SMG6: variants seen among roughly 807,000 people sequenced by gnomAD.
SMG6 encodes the protein SMG6 nonsense mediated mRNA decay factor.
SMG6 carries 66 observed loss-of-function variants against 142.2 expected under a neutral mutation model. The observed-to-expected ratio is 0.46, with a 90% CI of 0.38 to 0.57. The LOEUF (loss-of-function observed/expected upper bound fraction) is 0.57, where lower values mean the gene tolerates loss of function less well. SMG6 is among the 20% of genes least tolerant of loss of function. The pLI is 0.00. For synonymous variants in SMG6, 779 were observed against 702.4 expected (o/e 1.11, Z -1.72); for missense variants, 1,793 against 1,832.0 (o/e 0.98, Z 0.39).
At chr17:2,156,805 CGCCAT>C (rs1252228137) in intron 13 of SMG6, among the ~76,000 whole-genome samples, 1 of 152,186 alleles carries the variant, frequency 6.6e-6, no homozygotes, top group East Asian at 1.9e-4. Flanking sequence ...AAGCATGCAA[CGCCAT>C]GCCTGGCTAA....
intron 13 of SMG6, among the ~76,000 whole-genome samples, chr17:2,144,678 C>A (rs1033126984): frequency 6.6e-6 from 1 of 152,062 alleles, no homozygotes; most frequent in African/African-American, 2.4e-5. Context: ...CTGCGGGTTA[C>A]CCTGGGACAC....
intron 13 of SMG6, chr17:2,127,299 T>C (rs2069929166): frequency 2.5e-6 from 1 of 407,524 alleles, no homozygotes; most frequent in Non-Finnish European, 4.7e-6. Flanking sequence ...TGATGAAGAG[T>C]TCTGGAAATG....
intron 10 of SMG6, among the ~76,000 whole-genome samples, chr17:2,208,089 A>C (rs2072742654): frequency 6.6e-6 from 1 of 152,106 alleles, no homozygotes. Context: ...TGTTCGTGCC[A>C]CCGCACTCCA....
In SMG6 at chr17:2,236,644, A is replaced by G. The variant is rs1291155623; in HGVS notation, c.2724-7T>C. On this transcript the variant is annotated splice_region_variant and splice_polypyrimidine_tract_variant and intron_variant, in intron 9 of 18. Coordinates refer to ENST00000263073, the MANE Select transcript of SMG6 (RefSeq NM_017575.5). ...TGCAGGGAATGTCTCCATCCTGCAGATTCAGAAAACCCATCAATGAGGCAC... is the reference window on the plus strand; with the variant it reads ...TGCAGGGAATGTCTCCATCCTGCAGGTTCAGAAAACCCATCAATGAGGCAC... 1.2e-6 allele frequency: 2 copies of G among 1,608,506 alleles called. No individual in the cohort carries two copies. The highest frequency in any genetic ancestry group is 1.1e-5 in the South Asian group (1 of 90,372).
At chr17:2,174,308 C>A (rs1165068224) in intron 12 of SMG6, among the ~76,000 whole-genome samples, 4 of 152,142 alleles carry the variant, frequency 2.6e-5, no homozygotes, top group South Asian at 4.1e-4. Flanking sequence ...AGGGAGGGGC[C>A]TCAGATCTAA....
chr17:2,108,150 T>C (rs2069204675), intron 13 of SMG6, among the ~76,000 whole-genome samples: 1 of 151,952 alleles, frequency 6.6e-6, no homozygotes, highest in Admixed American at 6.6e-5. Context: ...AAATGAAGGA[T>C]TACAGAGAAT....
chr17:2,264,532 A>G (rs1192529956), intron 8 of SMG6, among the ~76,000 whole-genome samples: 1 of 152,218 alleles, frequency 6.6e-6, no homozygotes. Context: ...CACCAGCAAC[A>G]TCAAAACAAA....
intron 8 of SMG6, among the ~76,000 whole-genome samples, chr17:2,255,204 A>T (rs1414120229): frequency 6.6e-6 from 1 of 151,586 alleles, no homozygotes; most frequent in Non-Finnish European, 1.5e-5. Flanking sequence ...GGAGATCGAG[A>T]CCATCCTGGC....
In SMG6 at chr17:2,144,751, A is replaced by G. The variant is rs986908012; in HGVS notation, c.3357+27907T>C. 5.3e-4 allele frequency among the ~76,000 whole-genome samples: 81 copies of G among 152,106 alleles called. 1 individual carries two copies. The highest frequency in any genetic ancestry group is 1.9e-3 in the African/African-American group (80 of 41,420). ...CTGCTCAAGGTTTTTCAGAGTACAT[A>G]GGTAGTATGAATTCAGACTCAAAAC... On this transcript the variant is annotated intron_variant, in intron 13 of 18. Transcript: ENST00000263073.
intron 10 of SMG6, among the ~76,000 whole-genome samples, chr17:2,192,328 G>C (rs2072189688): frequency 6.6e-6 from 1 of 152,262 alleles, no homozygotes; most frequent in African/African-American, 2.4e-5. Context: ...GGCAGCGATG[G>C]AACTATCAGA....
At chr17:2,180,168 T>C (rs1271799674) in intron 12 of SMG6, among the ~76,000 whole-genome samples, 1 of 152,208 alleles carries the variant, frequency 6.6e-6, no homozygotes, top group Admixed American at 6.5e-5. Context: ...CTTGCCGAAG[T>C]AGGGGTGCAG....
chr17:2,100,089 G>A (rs1442790580), intron 13 of SMG6, among the ~76,000 whole-genome samples: 4 of 149,822 alleles, frequency 2.7e-5, no homozygotes, highest in African/African-American at 4.9e-5. Context: ...CCAGGCTGGC[G>A]TGCAGTGGCA....
rs2073657440 is a variant in SMG6, at chr17:2,236,493, T to C, written c.2868A>G (p.Lys956=). 1 of 1,611,816 alleles carries C rather than the reference T, an allele frequency of 6.2e-7. No homozygotes were observed. Among genetic ancestry groups the C allele is most frequent in the Non-Finnish European group, 8.5e-7 (1 of 1,179,006 alleles). ...ATGAAGAAACTAAACATGCCTTACCTTTCAGCTGGGAGTTGTGTACTGCAA... is the reference window on the plus strand; with the variant it reads ...ATGAAGAAACTAAACATGCCTTACCCTTCAGCTGGGAGTTGTGTACTGCAA... ...NMFAVHNSQL[K]DCFSEECRSV... Residue 956 remains lysine, a splice_region_variant and synonymous_variant, in exon 10 of 19, where the codon AAA becomes AAG. Coordinates refer to ENST00000263073, the MANE Select transcript of SMG6 (RefSeq NM_017575.5).
At chr17:2,105,187 A>G (rs2069122550) in intron 13 of SMG6, among the ~76,000 whole-genome samples, 1 of 138,632 alleles carries the variant, frequency 7.2e-6, no homozygotes. Flanking sequence ...TCGACCTCCC[A>G]AAGTGCTGGG....
intron 15 of SMG6, among the ~76,000 whole-genome samples, chr17:2,074,910 G>A (rs965986688): frequency 8.5e-5 from 13 of 152,240 alleles, no homozygotes; most frequent in South Asian, 4.1e-4. Flanking sequence ...GCCTGAGGGC[G>A]TTTCAGACAG....
chr17:2,065,787 CT>C, intron 16 of SMG6, 108 bp from the exon 17 acceptor site: 1 of 929,078 alleles, frequency 1.1e-6, no homozygotes, highest in Non-Finnish European at 1.6e-6. Context: ...AGAATCCATC[CT>C]TCCCCCACAG....
intron 13 of SMG6, among the ~76,000 whole-genome samples, chr17:2,146,304 G>A (rs2070666663): frequency 6.6e-6 from 1 of 152,126 alleles, no homozygotes. Flanking sequence ...ATGCTGAGCA[G>A]ACTTTGTGAC....
At chr17:2,263,055 G>A (rs2074350681) in intron 8 of SMG6, among the ~76,000 whole-genome samples, 1 of 152,230 alleles carries the variant, frequency 6.6e-6, no homozygotes, top group Middle Eastern at 3.4e-3. Flanking sequence ...AAGCCAAAGA[G>A]AAAAAGATAA....
intron 13 of SMG6, among the ~76,000 whole-genome samples, chr17:2,129,925 C>T (rs193139178): frequency 6.1e-5 from 9 of 148,478 alleles, no homozygotes; most frequent in African/African-American, 2.2e-4. Context: ...TAGAACAAGA[C>T]AGTTCAGTAA....
Sources: gnomAD v4.1 joint callset for allele counts (sites outside exome capture counted in the v4.1 genomes callset) on GRCh38, gnomAD v4.1.1 for gene constraint, MANE v1.5 for transcripts, NCBI Gene and HGNC (gene_info 2026-07-23, HGNC 2026-07-21) for gene names.